The following MYO16 variants were observed in gnomAD, a reference collection of about 807,000 sequenced individuals.
The protein encoded by MYO16 is myosin XVI.
Under a neutral mutation model 205.3 loss-of-function variants are expected in MYO16, and 94 were observed. The ratio of observed to expected loss-of-function variants is 0.46; its 90% CI spans 0.39 to 0.54. MYO16 has a LOEUF of 0.54. MYO16 is among the 20% of genes least tolerant of loss of function. MYO16 has a pLI of 0.00. For synonymous variants in MYO16, 988 were observed against 954.0 expected (o/e 1.04, Z -0.66); for missense variants, 2,315 against 2,387.5 (o/e 0.97, Z 0.63).
intron 4 of MYO16, among the ~76,000 whole-genome samples, chr13:108,777,212 T>C (rs1886151409): frequency 6.6e-6 from 1 of 152,150 alleles, no homozygotes; most frequent in African/African-American, 2.4e-5. Context: ...TAACTCTGTA[T>C]TACTGTGCAA....
In MYO16 at chr13:109,009,881, A is replaced by G. The variant is rs528899159; in HGVS notation, c.2595+832A>G. Among the ~76,000 whole-genome samples, 17 of 152,308 alleles carry G rather than the reference A, an allele frequency of 1.1e-4. 1 individual carries two copies. In the East Asian group the frequency reaches 3.3e-3, roughly 29 times the overall value. On this transcript the variant is annotated intron_variant, in intron 22 of 34. Coordinates refer to ENST00000457511, the MANE Select transcript of MYO16 (RefSeq NM_001198950.3). ...CTTCCTCCAGAAAGCCCTCGTAGTG[A>G]CATACATAACCTATAATTATTTAAG... is the stretch of plus-strand genomic sequence containing the variant.
chr13:108,544,866 G>A, the MYO16 span, among the ~76,000 whole-genome samples: 2 of 152,116 alleles, frequency 1.3e-5, no homozygotes, highest in African/African-American at 4.8e-5. Flanking sequence ...TCGTCTTTCT[G>A]TACCTGGCTT....
At chr13:109,203,925 T>C (rs746289300) in intron 34 of MYO16, among the ~76,000 whole-genome samples, 6 of 152,226 alleles carry the variant, frequency 3.9e-5, no homozygotes, top group Non-Finnish European at 7.3e-5. Context: ...AGTTTCCAAT[T>C]TGTTTCTTTA....
At chr13:108,752,288 G>A (rs1885261002) in intron 4 of MYO16, among the ~76,000 whole-genome samples, 1 of 152,106 alleles carries the variant, frequency 6.6e-6, no homozygotes, top group Admixed American at 6.6e-5. Context: ...GTCAACATCT[G>A]TAATTTATGA....
At chr13:108,819,896 G>C (rs1211050351) in intron 7 of MYO16, among the ~76,000 whole-genome samples, 1 of 151,962 alleles carries the variant, frequency 6.6e-6, no homozygotes, top group Non-Finnish European at 1.5e-5. Flanking sequence ...ATGTACTTTC[G>C]GGTTATATTA....
At chr13:109,142,946 G>A (rs763319830) in intron 32 of MYO16, among the ~76,000 whole-genome samples, 1 of 151,930 alleles carries the variant, frequency 6.6e-6, no homozygotes. Context: ...TGTTTTTTCC[G>A]ATTCTTTGTT....
chr13:109,100,735 T>A (rs745978045), intron 27 of MYO16, 50 bp from the exon 28 acceptor site: 7 of 1,442,906 alleles, frequency 4.9e-6, no homozygotes, highest in Non-Finnish European at 6.8e-6. Flanking sequence ...AATGTGATCA[T>A]GTGCTTGGCA....
intron 23 of MYO16, among the ~76,000 whole-genome samples, chr13:109,039,735 C>T (rs1257231539): frequency 2.0e-5 from 3 of 152,010 alleles, no homozygotes; most frequent in South Asian, 2.1e-4. Context: ...TAAATGCGTA[C>T]GTTAGAAAAT....
chr13:109,030,734 T>C (rs1594486158), intron 23 of MYO16, among the ~76,000 whole-genome samples: 1 of 152,158 alleles, frequency 6.6e-6, no homozygotes, highest in Non-Finnish European at 1.5e-5. Context: ...ATATCTCTAT[T>C]AGTATAGCAT....
chr13:108,545,098 G>T, the MYO16 span, among the ~76,000 whole-genome samples: 61 of 151,802 alleles, frequency 4.0e-4, 1 homozygote, highest in South Asian at 2.5e-3. Context: ...AGATTATTTT[G>T]TCCCCCAGGT....
intron 4 of MYO16, among the ~76,000 whole-genome samples, chr13:108,760,011 A>G (rs1447487067): frequency 2.6e-5 from 4 of 152,206 alleles, no homozygotes; most frequent in Non-Finnish European, 4.4e-5. Context: ...TGATCAGATC[A>G]GGGTAACTGG....
chr13:109,174,571 T>C (rs769051120), intron 33 of MYO16, among the ~76,000 whole-genome samples: 5 of 152,046 alleles, frequency 3.3e-5, no homozygotes, highest in African/African-American at 7.2e-5. Context: ...TTAAAGGTGA[T>C]GGAATACTTG....
intron 23 of MYO16, among the ~76,000 whole-genome samples, chr13:109,023,025 ATATT>A (rs1218206412): frequency 3.7e-5 from 5 of 134,794 alleles, no homozygotes; most frequent in African/African-American, 1.1e-4. Flanking sequence ...ATGTATGTAT[ATATT>A]TATATATTAA....
intron 9 of MYO16, among the ~76,000 whole-genome samples, chr13:108,825,510 A>G (rs1380402941): frequency 6.6e-6 from 1 of 152,002 alleles, no homozygotes. Context: ...GGACAAAGGC[A>G]AGAGTGTCTG....
intron 1 of MYO16, among the ~76,000 whole-genome samples, chr13:108,598,162 T>C (rs958127539): frequency 6.6e-6 from 1 of 152,194 alleles, no homozygotes; most frequent in Non-Finnish European, 1.5e-5. Context: ...TCCACAAATA[T>C]TTATTGAGCA....
intron 3 of MYO16, 148 bp downstream of exon 3, chr13:108,712,879 G>T: frequency 1.7e-6 from 1 of 577,644 alleles, no homozygotes; most frequent in Non-Finnish European, 2.9e-6. Context: ...ATGATAAGCT[G>T]CAATTATTAT....
chr13:109,184,629 C>T (rs1279143696), intron 34 of MYO16, among the ~76,000 whole-genome samples: 1 of 152,064 alleles, frequency 6.6e-6, no homozygotes, highest in African/African-American at 2.4e-5. Flanking sequence ...GAGATAGTCT[C>T]CCTCTGTCCC....
At chr13:108,815,810 A>G (rs1875552241) in intron 7 of MYO16, among the ~76,000 whole-genome samples, 1 of 152,208 alleles carries the variant, frequency 6.6e-6, no homozygotes, top group African/African-American at 2.4e-5. Context: ...ATGGAATGCA[A>G]AGTACCTATA....
At chr13:108,525,962 G>A in the MYO16 span, among the ~76,000 whole-genome samples, 1 of 149,478 alleles carries the variant, frequency 6.7e-6, no homozygotes, top group Non-Finnish European at 1.5e-5. Flanking sequence ...TTTCTGGGGA[G>A]GGGATAGGGA....
Sources: gnomAD v4.1 joint callset for allele counts (sites outside exome capture counted in the v4.1 genomes callset) on GRCh38, gnomAD v4.1.1 for gene constraint, MANE v1.5 for transcripts, NCBI Gene and HGNC (gene_info 2026-07-23, HGNC 2026-07-21) for gene names.